GCSAML: variants seen among roughly 807,000 people sequenced by gnomAD.
The protein encoded by GCSAML is germinal center-associated signaling and motility-like protein.
GCSAML carries 9 observed loss-of-function variants against 13.0 expected under a neutral mutation model. That is an observed-to-expected ratio of 0.69 (90% confidence interval 0.42 to 1.21). The LOEUF (loss-of-function observed/expected upper bound fraction) is 1.21. Among genes scored for constraint, GCSAML ranks in the 50% most tolerant of loss-of-function variants. GCSAML has a pLI of 0.00. For synonymous variants in GCSAML, 37 were observed against 52.9 expected (o/e 0.70, Z 1.31); for missense variants, 143 against 153.4 (o/e 0.93, Z 0.36).
At chr1:247,553,258 A>C (rs1400535598) in intron 1 of GCSAML, among the ~76,000 whole-genome samples, 1 of 152,182 alleles carries the variant, frequency 6.6e-6, no homozygotes, top group Non-Finnish European at 1.5e-5. Flanking sequence ...AATGCTATTG[A>C]ATTTTGCAAG....
At chr1:247,570,214 TG>T (rs1477847302) in intron 4 of GCSAML, among the ~76,000 whole-genome samples, 1 of 152,212 alleles carries the variant, frequency 6.6e-6, no homozygotes, top group Non-Finnish European at 1.5e-5. Context: ...CCTTCAGTTC[TG>T]CTCTGATCTT....
At chr1:247,547,010 G>C (rs570782715), upstream of GCSAML, among the ~76,000 whole-genome samples, 1 of 151,872 alleles carries the variant, frequency 6.6e-6, no homozygotes, top group South Asian at 2.1e-4. Context: ...GATGAGGAGG[G>C]AGGATCGCTT....
intron 2 of GCSAML, chr1:247,532,565 A>G: frequency 6.5e-7 from 1 of 1,538,224 alleles, no homozygotes; most frequent in South Asian, 1.2e-5. Context: ...CAGGGCATAC[A>G]GGGCATGAGA....
At chr1:247,546,138 AAT>A (rs1667559888), upstream of GCSAML, among the ~76,000 whole-genome samples, 1 of 151,876 alleles carries the variant, frequency 6.6e-6, no homozygotes, top group Non-Finnish European at 1.5e-5. Flanking sequence ...GAAAGAAAGA[AAT>A]AAATTTTTGT....
intron 1 of GCSAML, among the ~76,000 whole-genome samples, chr1:247,512,221 C>T (rs1666065203): frequency 6.6e-6 from 1 of 151,842 alleles, no homozygotes; most frequent in Admixed American, 6.6e-5. Flanking sequence ...ATTCTTTTTT[C>T]TATAATCTTT....
intron 2 of GCSAML, chr1:247,530,983 C>G (rs1007887749): frequency 1.3e-5 from 2 of 153,544 alleles, no homozygotes; most frequent in African/African-American, 4.8e-5. Flanking sequence ...CGGCGGGGTC[C>G]AGGCTGGGGG....
At chr1:247,532,329 G>A (rs755206315) in intron 2 of GCSAML, 1 of 1,614,118 alleles carries the variant, frequency 6.2e-7, no homozygotes, top group Non-Finnish European at 8.5e-7. Flanking sequence ...CAAGAAAGAA[G>A]TACATAGGTG....
intron 2 of GCSAML, among the ~76,000 whole-genome samples, chr1:247,534,257 C>T (rs866201665): frequency 4.6e-5 from 7 of 152,032 alleles, no homozygotes; most frequent in Non-Finnish European, 8.8e-5. Flanking sequence ...TTTTGTTTAC[C>T]TCTGGGTCCC....
chr1:247,555,325 C>G (rs941808678), intron 1 of GCSAML, among the ~76,000 whole-genome samples: 1 of 152,104 alleles, frequency 6.6e-6, no homozygotes, highest in African/African-American at 2.4e-5. Context: ...AAAAAGGAGA[C>G]AGTTAAATTA....
chr1:247,552,321 G>T (rs1366787169), intron 1 of GCSAML, among the ~76,000 whole-genome samples: 1 of 152,244 alleles, frequency 6.6e-6, no homozygotes, highest in African/African-American at 2.4e-5. Context: ...ACCTTGGTGT[G>T]TGTCAGTCAT....
At chr1:247,565,251 G>A (rs1668298082) in intron 3 of GCSAML, among the ~76,000 whole-genome samples, 1 of 152,058 alleles carries the variant, frequency 6.6e-6, no homozygotes, top group Admixed American at 6.6e-5. Flanking sequence ...CCAGCTACTT[G>A]GGAGGCTGAG....
chr1:247,545,470 C>CA (rs1027948397), upstream of GCSAML, among the ~76,000 whole-genome samples: 1 of 151,976 alleles, frequency 6.6e-6, no homozygotes, highest in Non-Finnish European at 1.5e-5. Flanking sequence ...GACATAACAA[C>CA]AAAAAAAGAA....
intron 2 of GCSAML, 29 bp downstream of exon 2, chr1:247,556,495 TG>T (rs1448484110): frequency 6.9e-7 from 1 of 1,455,764 alleles, no homozygotes; most frequent in East Asian, 2.3e-5. Context: ...AGAGTTTTTT[TG>T]TTTTGTTTTG....
intron 4 of GCSAML, among the ~76,000 whole-genome samples, chr1:247,573,768 A>G (rs1668723267): frequency 6.6e-6 from 1 of 152,152 alleles, no homozygotes; most frequent in Non-Finnish European, 1.5e-5. Context: ...GAATCTATAA[A>G]TTACTTTGGG....
At chr1:247,532,053 AC>A (rs745467477) in intron 2 of GCSAML, 9 of 1,613,602 alleles carry the variant, frequency 5.6e-6, no homozygotes, top group East Asian at 4.5e-5. Flanking sequence ...TGGTGGTCAG[AC>A]CCCCCAGCCA....
chr1:247,521,324 A>AGTCTCCCTCTCCACG (rs1558235814), intron 1 of GCSAML, among the ~76,000 whole-genome samples: 9 of 138,696 alleles, frequency 6.5e-5, no homozygotes, highest in Middle Eastern at 3.7e-3. Context: ...CTCCCTCTCC[A>AGTCTCCCTCTCCACG]GTCTCCCTCT....
Position 247,574,212 on chromosome 1 carries a change from T to A in GCSAML, c.238T>A (p.Ser80Thr), listed in dbSNP as rs1383864050. 6.2e-7 allele frequency: 1 copy of A among 1,613,706 alleles called. No individual in the cohort carries two copies. The highest frequency in any genetic ancestry group is 1.7e-5 in the Admixed American group (1 of 60,006). ...CATTAATCACATCCCCCATCAGAGA[T>A]CCTCCCTGAGCTCCAATGATGATGG... ...TVINHIPHQR[S>T]SLSSNDDGYE... Residue 80 changes from serine to threonine, a missense_variant, in exon 5 of 5, where the codon TCC (serine) becomes ACC (threonine). Physicochemically the swap from Ser to Thr is moderately conservative, Grantham distance 58 (BLOSUM62 1). Coordinates refer to ENST00000366488, the MANE Select transcript of GCSAML (RefSeq NM_145278.5).
upstream of GCSAML, among the ~76,000 whole-genome samples, chr1:247,545,027 A>G (rs1667520969): frequency 6.6e-6 from 1 of 152,370 alleles, no homozygotes; most frequent in Non-Finnish European, 1.5e-5. Context: ...CATTGAAAAC[A>G]TTTGAAGCCA....
rs571166552 is a variant in GCSAML, at chr1:247,554,288, A to G, written c.30-2119A>G. On this transcript the variant is annotated intron_variant, in intron 1 of 4. Transcript: ENST00000366488. ...TTTTAAGCCATAATGTTTATTATAC[A>G]TAATTCTTCATCATGCCTGTTTTAT... Among the ~76,000 whole-genome samples the G allele has an allele frequency of 3.9e-5, 6 of 152,300 alleles. No individual in the cohort carries two copies. The South Asian group carries it at 8.3e-4, about 21-fold the overall frequency.
Sources: allele counts gnomAD v4.1 joint callset (sites outside exome capture counted in the v4.1 genomes callset), GRCh38; gene constraint gnomAD v4.1.1; transcripts MANE v1.5; gene names NCBI Gene and HGNC (gene_info 2026-07-23, HGNC 2026-07-21).